The following SPTBN1 variants were observed in gnomAD, a reference collection of about 807,000 sequenced individuals.
SPTBN1 encodes the protein spectrin beta, non-erythrocytic 1, also known as spectrin beta chain, non-erythrocytic 1.
In SPTBN1, 32 loss-of-function variants were observed where a neutral mutation model predicts 266.4. The observed-to-expected ratio is 0.12, with a 90% confidence interval of 0.09 to 0.16. The LOEUF (loss-of-function observed/expected upper bound fraction) is 0.16, where lower values mean the gene tolerates loss of function less well. Ranked by LOEUF, SPTBN1 falls within the 10% of genes least tolerant of loss-of-function variation. The pLI is 1.00. For missense variants in SPTBN1, 2,296 were observed against 3,067.1 expected (o/e 0.75, Z 5.94); for synonymous variants, 1,336 against 1,162.2 (o/e 1.15, Z -3.04).
At chr2:54,651,868 C>T (rs1680312522) in intron 26 of SPTBN1, among the ~76,000 whole-genome samples, 1 of 152,134 alleles carries the variant, frequency 6.6e-6, no homozygotes, top group South Asian at 2.1e-4. Flanking sequence ...ACACTGGAAA[C>T]CAAAGCCTGT....
chr2:54,513,490 A>G (rs1183502996), intron 1 of SPTBN1, among the ~76,000 whole-genome samples: 1 of 152,184 alleles, frequency 6.6e-6, no homozygotes, highest in African/African-American at 2.4e-5. Context: ...ATGAAATTTC[A>G]CAACAAATAG....
At chr2:54,552,763 G>A (rs553539510) in intron 2 of SPTBN1, among the ~76,000 whole-genome samples, 7 of 152,348 alleles carry the variant, frequency 4.6e-5, no homozygotes, top group Non-Finnish European at 8.8e-5. Flanking sequence ...CCCCAGGTCT[G>A]CTTTTAACCA....
chr2:54,456,814 C>G (rs1693057662), intron 1 of SPTBN1, among the ~76,000 whole-genome samples: 1 of 151,292 alleles, frequency 6.6e-6, no homozygotes, highest in East Asian at 2.0e-4. Context: ...CCGCTGCCGT[C>G]CGGCCCCAGC....
Position 54,646,507 on chromosome 2 carries a change from G to A in SPTBN1, c.4866+32G>A, listed in dbSNP as rs1051371066. The stretch of plus-strand genomic sequence containing the variant: ...GGAGGCGGGAAGCATCCCTGTCCCA[G>A]GAGAGCCTCAGATTCAAACCCTGGG... On this transcript the variant is annotated intron_variant, in intron 23 of 35. Transcript: ENST00000356805. This position sits in a 1 kb window ranked among gnomAD's most constrained non-coding sequence, Gnocchi z 4.4. 2.0e-5 allele frequency: 30 copies of A among 1,465,398 alleles called. No homozygotes were observed. In the African/African-American group the frequency reaches 3.5e-4, roughly 17 times the overall value. 90.8% of individuals were successfully genotyped at this position (1,465,398 alleles called of 1,614,324 possible).
intron 2 of SPTBN1, among the ~76,000 whole-genome samples, chr2:54,574,471 A>C (rs1674321452): frequency 6.6e-6 from 1 of 152,182 alleles, no homozygotes; most frequent in Non-Finnish European, 1.5e-5. Context: ...GTTTTGAAAC[A>C]ACTTCCTTAG....
At chr2:54,661,549 C>T in intron 32 of SPTBN1, 1 of 985,668 alleles carries the variant, frequency 1.0e-6, no homozygotes, top group African/African-American at 1.7e-5. Flanking sequence ...AGATAGATGC[C>T]AAGCTTCTTA....
intron 29 of SPTBN1, among the ~76,000 whole-genome samples, chr2:54,657,217 C>G (rs999878574): frequency 6.6e-6 from 1 of 152,198 alleles, no homozygotes; most frequent in African/African-American, 2.4e-5. Flanking sequence ...AGCCTTGGTC[C>G]CCACCATCTG....
intron 16 of SPTBN1, among the ~76,000 whole-genome samples, chr2:54,632,078 A>T (rs77679476): frequency 2.7e-5 from 3 of 113,108 alleles, no homozygotes; most frequent in Middle Eastern, 4.1e-3. Context: ...CCTGTCTCTT[A>T]AAAAAAAAAA....
At chr2:54,564,506 G>A (rs886630817) in intron 2 of SPTBN1, among the ~76,000 whole-genome samples, 2 of 152,182 alleles carry the variant, frequency 1.3e-5, no homozygotes, top group Non-Finnish European at 2.9e-5. Context: ...AGTGCTCCGT[G>A]CAAACATGTC....
chr2:54,603,183 G>A (rs564319068), intron 3 of SPTBN1, among the ~76,000 whole-genome samples: 13 of 152,272 alleles, frequency 8.5e-5, no homozygotes, highest in African/African-American at 3.1e-4. Flanking sequence ...TGTGGGTAGG[G>A]TTCCAGCTGG....
In SPTBN1 at chr2:54,631,212, G is replaced by A. The variant is rs747704773; in HGVS notation, c.3165G>A (p.Glu1055=). The A allele has an allele frequency of 1.3e-5, 21 of 1,614,186 alleles. No homozygotes were observed. In the South Asian group the frequency reaches 2.0e-4, roughly 15 times the overall value. ...EEMKTTLKNR[E]ASLGEASKLQ... ...TGAAGACCACCCTGAAAAACCGAGA[G>A]GCCTCCCTGGGAGAGGCCAGCAAGC... Residue 1055 remains glutamate, a synonymous_variant, in exon 16 of 36, where the codon GAG becomes GAA. Transcript: ENST00000356805.
intron 2 of SPTBN1, among the ~76,000 whole-genome samples, chr2:54,593,731 C>A (rs1408784810): frequency 6.6e-6 from 1 of 150,616 alleles, no homozygotes; most frequent in African/African-American, 2.4e-5. Flanking sequence ...GAGAGTTACC[C>A]AATAATGCAG....
At chr2:54,494,265 G>A (rs968487936) in intron 1 of SPTBN1, among the ~76,000 whole-genome samples, 2 of 152,176 alleles carry the variant, frequency 1.3e-5, no homozygotes, top group African/African-American at 4.8e-5. Context: ...TCTTTTAAGA[G>A]GATATTCCTC....
chr2:54,607,466 T>TA (rs1432795198), intron 3 of SPTBN1, among the ~76,000 whole-genome samples: 3 of 152,002 alleles, frequency 2.0e-5, no homozygotes, highest in African/African-American at 4.8e-5. Flanking sequence ...CTACTAAAAA[T>TA]ACAAAAATTA....
chr2:54,668,116 G>A (rs1377942114), intron 35 of SPTBN1, among the ~76,000 whole-genome samples: 3 of 152,188 alleles, frequency 2.0e-5, no homozygotes, highest in African/African-American at 7.2e-5. Flanking sequence ...TCTTCCAGCT[G>A]TTACAAGTTT....
intron 1 of SPTBN1, among the ~76,000 whole-genome samples, chr2:54,507,895 AAAC>A (rs1420805586): frequency 6.6e-6 from 1 of 152,014 alleles, no homozygotes; most frequent in African/African-American, 2.4e-5. Flanking sequence ...GAAGGATTAG[AAAC>A]GGCTAGGAGA....
intron 1 of SPTBN1, among the ~76,000 whole-genome samples, chr2:54,492,837 C>T (rs1021385184): frequency 9.2e-5 from 14 of 151,576 alleles, no homozygotes; most frequent in African/African-American, 3.2e-4. Context: ...ATAATAAAAG[C>T]TATCAGACTC....
intron 3 of SPTBN1, among the ~76,000 whole-genome samples, chr2:54,605,114 A>C (rs1221020859): frequency 6.6e-6 from 1 of 152,180 alleles, no homozygotes; most frequent in Non-Finnish European, 1.5e-5. Flanking sequence ...GGCTTCAGAA[A>C]GTGTTTACTG....
chr2:54,612,326 C>A lies in SPTBN1; in HGVS notation c.466C>A (p.Arg156Ser). 1 of 1,611,566 alleles carries A rather than the reference C, an allele frequency of 6.2e-7. No homozygotes were observed. Among genetic ancestry groups the A allele is most frequent in the Non-Finnish European group, 8.5e-7 (1 of 1,178,420 alleles). ...TLGLIWTIILRFQIQDISVET... is the reference protein window; with the variant it reads ...TLGLIWTIILSFQIQDISVET... Reference sequence around the variant, plus strand: ...TGGCCTCATCTGGACCATCATCCTGCGCTTCCAGGTAAGGGTCTCTGCCCA... The same window carrying A: ...TGGCCTCATCTGGACCATCATCCTGAGCTTCCAGGTAAGGGTCTCTGCCCA... Residue 156 changes from arginine (R) to serine (S), a missense_variant, in exon 4 of 36, where the codon CGC becomes AGC. This residue lies in a region of SPTBN1 where 178 missense variants were observed against 375.7 expected (regional missense o/e 0.47). Coordinates refer to ENST00000356805, the MANE Select transcript of SPTBN1 (RefSeq NM_003128.3).
Sources: allele counts gnomAD v4.1 joint callset (sites outside exome capture counted in the v4.1 genomes callset), GRCh38; gene constraint gnomAD v4.1.1; regional missense constraint gnomAD v4.1.1; non-coding constraint Gnocchi (gnomAD v3.1); transcripts MANE v1.5; gene names NCBI Gene and HGNC (gene_info 2026-07-23, HGNC 2026-07-21).